The following BRWD1 variants were observed in gnomAD, a reference collection of about 807,000 sequenced individuals.
BRWD1 encodes bromodomain and WD repeat-containing protein 1.
In BRWD1, 82 loss-of-function variants were observed where a neutral mutation model predicts 251.2. That is an observed-to-expected ratio of 0.33 (90% CI 0.27 to 0.39). The LOEUF is 0.39. Among genes scored for constraint, BRWD1 ranks in the 10% least tolerant of loss-of-function variants. The probability of loss-of-function intolerance (pLI) is 1.00; values close to 1 mark genes in which losing one functional copy is unlikely to be tolerated. For missense variants in BRWD1, 2,233 were observed against 2,711.6 expected (o/e 0.82, Z 3.92); for synonymous variants, 918 against 902.8 (o/e 1.02, Z -0.30).
Position 39,247,700 on chromosome 21 carries a change from C to A in BRWD1, c.2481+1G>T, listed in dbSNP as rs1376917224. On this transcript the variant is annotated splice_donor_variant, in intron 21 of 40. Coordinates refer to ENST00000342449, the MANE Select transcript of BRWD1 (RefSeq NM_033656.4). LOFTEE classifies it high-confidence loss of function. Reference sequence around the variant, plus strand: ...ATAACATTTTAAAGTTTTCCACTCACATGTCTTACAGAGCTTGAAGACTCA... The same window carrying A: ...ATAACATTTTAAAGTTTTCCACTCAAATGTCTTACAGAGCTTGAAGACTCA... The A allele has an allele frequency of 6.3e-7, 1 of 1,599,010 alleles. No homozygotes were observed. Among genetic ancestry groups the A allele is most frequent in the Admixed American group, 1.8e-5 (1 of 55,986 alleles).
chr21:39,306,040 AC>A (rs2036276461), intron 4 of BRWD1, among the ~76,000 whole-genome samples: 1 of 151,420 alleles, frequency 6.6e-6, no homozygotes, highest in South Asian at 2.1e-4. Context: ...AACTCAAAAA[AC>A]AAAGAATTGA....
At chr21:39,226,792 C>G (rs911528950) in intron 27 of BRWD1, among the ~76,000 whole-genome samples, 2 of 152,146 alleles carry the variant, frequency 1.3e-5, no homozygotes, top group African/African-American at 2.4e-5. Context: ...TGATTAGGGA[C>G]TTTATCTAAA....
At position 39,263,643 on chromosome 21, in the gene BRWD1, T is replaced by C. The variant is rs537724656; in HGVS notation, c.1885+817A>G. On this transcript the variant is annotated intron_variant, in intron 17 of 40. Transcript: ENST00000342449. ...GGGAGCAATGATACATATGATGCAA[T>C]GACAGAACAATGATGAAGTTAGAAA... is the stretch of plus-strand genomic sequence containing the variant. Among the ~76,000 whole-genome samples the C allele has an allele frequency of 3.9e-5, 6 of 152,254 alleles. No homozygotes were observed. The South Asian group carries it at 1.0e-3, about 26-fold the overall frequency.
At chr21:39,275,328 T>C (rs1052761359) in intron 12 of BRWD1, among the ~76,000 whole-genome samples, 1 of 151,818 alleles carries the variant, frequency 6.6e-6, no homozygotes, top group Non-Finnish European at 1.5e-5. Context: ...CTTAGAAAAG[T>C]TTTTTTTAAC....
At chr21:39,306,922 C>CAA (rs1308745848) in intron 4 of BRWD1, among the ~76,000 whole-genome samples, 1 of 152,188 alleles carries the variant, frequency 6.6e-6, no homozygotes, top group Non-Finnish European at 1.5e-5. Flanking sequence ...GGCTTGATCT[C>CAA]AGACCATTGC....
intron 35 of BRWD1, 27 bp downstream of exon 35, chr21:39,210,759 C>T: frequency 6.3e-7 from 1 of 1,575,128 alleles, no homozygotes; most frequent in South Asian, 1.2e-5. Flanking sequence ...AAGAAAAGCC[C>T]CAAACATTTA....
At chr21:39,295,083 G>A (rs1318261446) in intron 7 of BRWD1, among the ~76,000 whole-genome samples, 1 of 151,342 alleles carries the variant, frequency 6.6e-6, no homozygotes, top group Non-Finnish European at 1.5e-5. Flanking sequence ...TTTATTTTGG[G>A]GGGTTTACAG....
chr21:39,310,894 TG>T (rs1478813666), intron 4 of BRWD1, among the ~76,000 whole-genome samples: 1 of 152,068 alleles, frequency 6.6e-6, no homozygotes, highest in African/African-American at 2.4e-5. Context: ...TAAAAGACTT[TG>T]AAAGTTTAGA....
intron 8 of BRWD1, among the ~76,000 whole-genome samples, chr21:39,292,154 T>C (rs964239642): frequency 2.3e-5 from 3 of 133,008 alleles, no homozygotes; most frequent in Non-Finnish European, 3.2e-5. Flanking sequence ...TCTCACTAAG[T>C]TGCCCAGGCC....
Position 39,193,691 on chromosome 21 carries a change from A to G in BRWD1, c.*2568T>C. 1 of 985,546 alleles carries G rather than the reference A, an allele frequency of 1.0e-6. No homozygotes were observed. The highest frequency in any genetic ancestry group is 1.2e-6 in the Non-Finnish European group (1 of 829,706). 61.1% of individuals were successfully genotyped at this position (985,546 alleles called of 1,614,324 possible). ...TTATTTCTGGATCAGTTCACATTCA[A>G]ATTATAACCCTTTATCTTTTTCTCA... On this transcript the variant is annotated 3_prime_UTR_variant, in exon 41 of 41. Coordinates refer to ENST00000342449, the MANE Select transcript of BRWD1 (RefSeq NM_033656.4).
chr21:39,266,498 G>A (rs761116639), intron 15 of BRWD1, among the ~76,000 whole-genome samples: 2 of 152,164 alleles, frequency 1.3e-5, no homozygotes, highest in Non-Finnish European at 2.9e-5. Context: ...AAATCTCAAA[G>A]CTGGAAAGCT....
chr21:39,184,594 T>G (rs1569147915), downstream of BRWD1: 1 of 152,176 alleles, frequency 6.6e-6, no homozygotes, highest in Non-Finnish European at 1.5e-5. Context: ...CCTGTTGAGA[T>G]AAAATCTCAA....
In BRWD1 at chr21:39,200,371, T is replaced by C. The variant is rs141167138; in HGVS notation, c.4601A>G (p.Asp1534Gly). The change falls in exon 39 of 41, where the codon GAT (aspartate) becomes GGT (glycine). Residue 1534 changes from aspartate to glycine, a missense_variant. Asp to Gly is a moderately conservative substitution (Grantham distance 94). Around this residue, in one of 12 missense-constraint regions of BRWD1, gnomAD observed 928 missense variants for 970.0 expected, o/e 0.96. Transcript: ENST00000342449. ...CGATGACAAAGAGGTAGCTAAAGAA[T>C]CTTCCACTTCACTTTCTAGGAAAAA... The part of the protein sequence containing the change: ...GSTLSESEVE[D>G]SLATSLSSSA... The C allele has an allele frequency of 1.9e-6, 3 of 1,611,582 alleles. No individual in the cohort carries two copies. Among genetic ancestry groups the C allele is most frequent in the Non-Finnish European group, 2.5e-6 (3 of 1,179,378 alleles).
At chr21:39,207,489 A>G (rs1026828623) in intron 36 of BRWD1, among the ~76,000 whole-genome samples, 1 of 68,788 alleles carries the variant, frequency 1.5e-5, no homozygotes, top group East Asian at 3.1e-4. Flanking sequence ...CACACAAACA[A>G]AACTCCAAAA....
intron 14 of BRWD1, 75 bp downstream of exon 14, chr21:39,270,208 T>G: frequency 7.3e-7 from 1 of 1,374,004 alleles, no homozygotes; most frequent in East Asian, 2.5e-5. Context: ...GTTCAATATA[T>G]TATTTTTATA....
Position 39,197,382 on chromosome 21 carries a change from T to G in BRWD1, c.5687A>C (p.Lys1896Thr), listed in dbSNP as rs774071296. Reference sequence around the variant, plus strand: ...GGAACAGACCCTTTTCCTGGAAATTTTTCTGCTTAGTCCATTGTCTTGTGA... The same window carrying G: ...GGAACAGACCCTTTTCCTGGAAATTGTTCTGCTTAGTCCATTGTCTTGTGA... ...SASQDNGLSR[K>T]ISRKRVCSSD... The change falls in exon 41 of 41, where the codon AAA becomes ACA. Residue 1896 changes from lysine (K) to threonine (T), a missense_variant. Physicochemically the swap from Lys to Thr is moderately conservative, Grantham distance 78. This residue lies in a region of BRWD1 where 928 missense variants were observed against 970.0 expected (regional missense o/e 0.96). Coordinates refer to ENST00000342449, the MANE Select transcript of BRWD1 (RefSeq NM_033656.4). The G allele has an allele frequency of 6.9e-6, 11 of 1,604,306 alleles. No homozygotes were observed. In the South Asian group the frequency reaches 1.2e-4, roughly 18 times the overall value.
In BRWD1 at chr21:39,190,571, G is replaced by A; in HGVS notation, c.*5688C>T. Reference sequence around the variant, plus strand: ...GCAAGCCTTTTATCAGAAAAGACTTGAGATATTCTCTCCTCTGTCTGCCCT... The same window carrying A: ...GCAAGCCTTTTATCAGAAAAGACTTAAGATATTCTCTCCTCTGTCTGCCCT... On this transcript the variant is annotated 3_prime_UTR_variant, in exon 41 of 41. Transcript: ENST00000342449. The A allele has an allele frequency of 4.1e-6, 4 of 985,330 alleles. No individual in the cohort carries two copies. The highest frequency in any genetic ancestry group is 4.8e-6 in the Non-Finnish European group (4 of 829,906). The allele number at this position is 985,330 out of a possible 1,614,324, so 61.0% of individuals were successfully genotyped here. A position where few individuals can be genotyped will look rare whatever the true frequency, so the allele number is the denominator to read the frequency against.
intron 1 of BRWD1, among the ~76,000 whole-genome samples, chr21:39,320,127 G>A (rs2146837195): frequency 6.6e-6 from 1 of 152,242 alleles, no homozygotes; most frequent in African/African-American, 2.4e-5. Context: ...GTTTCCAATG[G>A]GATTCATCTG....
intron 8 of BRWD1, among the ~76,000 whole-genome samples, chr21:39,285,153 A>G (rs1470415721): frequency 6.6e-6 from 1 of 152,262 alleles, no homozygotes; most frequent in Non-Finnish European, 1.5e-5. Context: ...CATTATAAAC[A>G]GAATATTCTT....
Sources: allele counts gnomAD v4.1 joint callset (sites outside exome capture counted in the v4.1 genomes callset), GRCh38; gene constraint gnomAD v4.1.1; regional missense constraint gnomAD v4.1.1; transcripts MANE v1.5; gene names NCBI Gene and HGNC (gene_info 2026-07-23, HGNC 2026-07-21).